PDE1A: variants seen among roughly 807,000 people sequenced by gnomAD.
The protein encoded by PDE1A is dual specificity calcium/calmodulin-dependent 3',5'-cyclic nucleotide phosphodiesterase 1A.
PDE1A carries 35 observed loss-of-function variants against 61.7 expected under a neutral mutation model. That is an observed-to-expected ratio of 0.57 (90% confidence interval 0.43 to 0.75). The LOEUF is 0.75. PDE1A is among the 30% of genes least tolerant of loss of function. PDE1A has a pLI of 0.00. For missense variants in PDE1A, 597 were observed against 630.6 expected (o/e 0.95, Z 0.57); for synonymous variants, 232 against 213.2 (o/e 1.09, Z -0.77).
At position 182,268,454 on chromosome 2, in the gene PDE1A, T is replaced by A. The variant is rs564052291; in HGVS notation, c.54-4040A>T. Among the ~76,000 whole-genome samples, 8 of 152,132 alleles carry A rather than the reference T, an allele frequency of 5.3e-5. No individual in the cohort carries two copies. The South Asian group carries it at 8.3e-4, about 16-fold the overall frequency. ...AAGGATACACACAAAACCACACTTATATATACATATATACATATATAATGC... is the reference window on the plus strand; with the variant it reads ...AAGGATACACACAAAACCACACTTAAATATACATATATACATATATAATGC... On this transcript the variant is annotated intron_variant, in intron 1 of 13. Coordinates refer to ENST00000351439, the Ensembl canonical transcript of PDE1A.
the PDE1A span, among the ~76,000 whole-genome samples, chr2:182,625,544 G>C: frequency 6.6e-6 from 1 of 152,224 alleles, no homozygotes; most frequent in Non-Finnish European, 1.5e-5. Context: ...GAACAGGATA[G>C]AGGTAGTACC....
At chr2:182,586,235 G>GGA in the PDE1A span, among the ~76,000 whole-genome samples, 1 of 152,068 alleles carries the variant, frequency 6.6e-6, no homozygotes, top group Non-Finnish European at 1.5e-5. Context: ...TGGACATTAA[G>GGA]GAGAAGTCAA....
intron 13 of PDE1A, among the ~76,000 whole-genome samples, chr2:182,179,490 ATGAT>A (rs1684561787): frequency 6.6e-6 from 1 of 152,202 alleles, no homozygotes; most frequent in African/African-American, 2.4e-5. Flanking sequence ...TAAAAAAAGA[ATGAT>A]TATCACAAAA....
chr2:182,307,226 G>A (rs1695647684), intron 1 of PDE1A, among the ~76,000 whole-genome samples: 1 of 152,148 alleles, frequency 6.6e-6, no homozygotes, highest in South Asian at 2.1e-4. Flanking sequence ...TGGTTTGAAT[G>A]TCTGTCTCCT....
the PDE1A span, among the ~76,000 whole-genome samples, chr2:182,713,731 T>C: frequency 3.9e-5 from 6 of 152,224 alleles, no homozygotes; most frequent in African/African-American, 1.4e-4. Flanking sequence ...CTTTCTTTTT[T>C]GGCTTCTACT....
intron 1 of PDE1A, among the ~76,000 whole-genome samples, chr2:182,344,564 CAATACTT>C (rs761134368): frequency 1.3e-5 from 2 of 152,126 alleles, no homozygotes; most frequent in Non-Finnish European, 2.9e-5. Context: ...ACCATTATGT[CAATACTT>C]ATGGTTATTT....
chr2:182,364,728 AT>A (rs1229741778), intron 1 of PDE1A, among the ~76,000 whole-genome samples: 1 of 151,928 alleles, frequency 6.6e-6, no homozygotes, highest in Non-Finnish European at 1.5e-5. Flanking sequence ...TTTAAAAAAA[AT>A]AGCATGTTAC....
the PDE1A span, among the ~76,000 whole-genome samples, chr2:182,695,768 G>A: frequency 5.0e-3 from 762 of 151,736 alleles, 9 homozygotes; most frequent in African/African-American, 0.017. Context: ...ATCTCATAGC[G>A]GACTGTTACC....
At chr2:182,361,290 G>A (rs545218730) in intron 1 of PDE1A, among the ~76,000 whole-genome samples, 4 of 152,132 alleles carry the variant, frequency 2.6e-5, no homozygotes, top group African/African-American at 9.6e-5. Context: ...ATCAAATCAA[G>A]GTATTTGGGG....
the PDE1A span, among the ~76,000 whole-genome samples, chr2:182,621,313 C>G: frequency 6.6e-6 from 1 of 152,170 alleles, no homozygotes; most frequent in African/African-American, 2.4e-5. Context: ...GTTGACACTC[C>G]CCACTCCCTT....
intron 13 of PDE1A, among the ~76,000 whole-genome samples, chr2:182,173,912 A>G (rs1264727247): frequency 6.6e-6 from 1 of 152,122 alleles, no homozygotes. Flanking sequence ...AAGTAATTCA[A>G]TACAAAGTAA....
At chr2:182,145,608 AG>A (rs1690454298), downstream of PDE1A, among the ~76,000 whole-genome samples, 1 of 152,160 alleles carries the variant, frequency 6.6e-6, no homozygotes, top group African/African-American at 2.4e-5. Context: ...GGGTGCCTGT[AG>A]TCCCAGCTAC....
At chr2:182,678,574 C>T in the PDE1A span, among the ~76,000 whole-genome samples, 1 of 152,028 alleles carries the variant, frequency 6.6e-6, no homozygotes, top group African/African-American at 2.4e-5. Flanking sequence ...GGAAAAACAA[C>T]TACAAACAAT....
chr2:182,558,268 C>A, the PDE1A span, among the ~76,000 whole-genome samples: 1 of 151,448 alleles, frequency 6.6e-6, no homozygotes, highest in Non-Finnish European at 1.5e-5. Flanking sequence ...CCAAAAGAGT[C>A]TACAAATATT....
chr2:182,496,055 T>C (rs1688694260), intron 2 of PDE1A, among the ~76,000 whole-genome samples: 1 of 152,228 alleles, frequency 6.6e-6, no homozygotes, highest in Non-Finnish European at 1.5e-5. Context: ...TTCCAAATTT[T>C]ATAATGTACC....
intron 10 of PDE1A, among the ~76,000 whole-genome samples, chr2:182,193,404 T>C (rs963613325): frequency 1.3e-5 from 2 of 152,084 alleles, no homozygotes; most frequent in Non-Finnish European, 2.9e-5. Flanking sequence ...ATAACAAATA[T>C]GCAGGAATCC....
chr2:182,510,727 G>C (rs1354597120), intron 2 of PDE1A, among the ~76,000 whole-genome samples: 1 of 152,124 alleles, frequency 6.6e-6, no homozygotes, highest in Non-Finnish European at 1.5e-5. Context: ...CCACTATAAG[G>C]CTACCTCAAG....
intron 1 of PDE1A, among the ~76,000 whole-genome samples, chr2:182,410,952 G>A (rs1702575460): frequency 6.6e-6 from 1 of 152,148 alleles, no homozygotes; most frequent in South Asian, 2.1e-4. Context: ...GGAAGTTTGT[G>A]TCTTCTCCCA....
chr2:182,483,930 C>T (rs1687854011), intron 2 of PDE1A, among the ~76,000 whole-genome samples: 2 of 151,804 alleles, frequency 1.3e-5, no homozygotes, highest in Admixed American at 1.3e-4. Flanking sequence ...GAGTAGACAT[C>T]ACTATGAATT....
Sources: gnomAD v4.1 joint callset for allele counts (sites outside exome capture counted in the v4.1 genomes callset) on GRCh38, gnomAD v4.1.1 for gene constraint, MANE v1.5 for transcripts, NCBI Gene and HGNC (gene_info 2026-07-23, HGNC 2026-07-21) for gene names.